The following DAB1 variants were observed in gnomAD, a reference collection of about 807,000 sequenced individuals.
The protein encoded by DAB1 is DAB adaptor protein 1.
DAB1 carries 15 observed loss-of-function variants against 64.6 expected under a neutral mutation model. The ratio of observed to expected loss-of-function variants is 0.23; its 90% confidence interval spans 0.16 to 0.36. The LOEUF (loss-of-function observed/expected upper bound fraction) is 0.36, where lower values mean the gene tolerates loss of function less well. DAB1 is among the 10% of genes least tolerant of loss of function. The pLI is 1.00. For missense variants in DAB1, 596 were observed against 706.7 expected (o/e 0.84, Z 1.78); for synonymous variants, 235 against 251.9 (o/e 0.93, Z 0.64).
At chr1:57,053,656 C>CTATATATA (rs1402881130) in intron 9 of DAB1, among the ~76,000 whole-genome samples, 4 of 125,326 alleles carry the variant, frequency 3.2e-5, no homozygotes, top group Non-Finnish European at 4.8e-5. Flanking sequence ...CTCTCTCTCT[C>CTATATATA]TCTCTATATG....
At chr1:58,113,087 G>A (rs1052987461) in intron 5 of DAB1, among the ~76,000 whole-genome samples, 1 of 152,192 alleles carries the variant, frequency 6.6e-6, no homozygotes, top group Non-Finnish European at 1.5e-5. Context: ...AGACAAACAT[G>A]CAATTATAGA....
intron 2 of DAB1, among the ~76,000 whole-genome samples, chr1:58,509,271 T>G (rs59893840): frequency 0.048 from 7,343 of 151,908 alleles, 224 homozygotes; most frequent in African/African-American, 0.063. Flanking sequence ...ATAACCATCA[T>G]AAAGACACTC....
intron 1 of DAB1, chr1:57,861,157 T>G (rs1654005286): frequency 6.6e-6 from 1 of 152,192 alleles, no homozygotes; most frequent in Admixed American, 6.5e-5. Flanking sequence ...TAGCTATGAG[T>G]AAGCAGGGGC....
chr1:58,338,584 A>C (rs1663176223), intron 4 of DAB1, among the ~76,000 whole-genome samples: 1 of 152,238 alleles, frequency 6.6e-6, no homozygotes, highest in Non-Finnish European at 1.5e-5. Flanking sequence ...GCCACAACTC[A>C]GTCTTCGAAT....
intron 5 of DAB1, among the ~76,000 whole-genome samples, chr1:57,953,901 C>T (rs72666186): frequency 0.031 from 4,678 of 152,242 alleles, 104 homozygotes; most frequent in Middle Eastern, 0.048. Flanking sequence ...CCCTTTCAGG[C>T]CAAGGGACAT....
intron 1 of DAB1, among the ~76,000 whole-genome samples, chr1:57,315,565 C>A (rs748447470): frequency 6.6e-6 from 1 of 152,064 alleles, no homozygotes; most frequent in Non-Finnish European, 1.5e-5. Flanking sequence ...TGCAGTGGTG[C>A]GATCTCGGCT....
intron 3 of DAB1, among the ~76,000 whole-genome samples, chr1:58,441,537 A>G (rs1270713874): frequency 6.6e-6 from 1 of 152,174 alleles, no homozygotes; most frequent in African/African-American, 2.4e-5. Flanking sequence ...GGGGCTCTTT[A>G]GTTCAAGTCC....
At chr1:58,168,588 G>GA (rs1430123462) in intron 4 of DAB1, among the ~76,000 whole-genome samples, 1 of 152,066 alleles carries the variant, frequency 6.6e-6, no homozygotes, top group African/African-American at 2.4e-5. Context: ...TCACCAAGCA[G>GA]AAAGACATAA....
chr1:57,878,771 T>C (rs1361090047), intron 1 of DAB1: 2 of 152,112 alleles, frequency 1.3e-5, no homozygotes, highest in African/African-American at 4.8e-5. Flanking sequence ...ACTAGAACTT[T>C]TTTCTCCTAT....
At chr1:58,534,847 G>A (rs531479774) in intron 1 of DAB1, among the ~76,000 whole-genome samples, 8 of 152,128 alleles carry the variant, frequency 5.3e-5, no homozygotes, top group African/African-American at 1.9e-4. Context: ...GAAGTGGGAG[G>A]ATCGCTTGAG....
chr1:57,153,938 C>G (rs187210606), intron 2 of DAB1, among the ~76,000 whole-genome samples: 7 of 152,212 alleles, frequency 4.6e-5, no homozygotes, highest in African/African-American at 1.4e-4. Flanking sequence ...CACCCCTGGC[C>G]GGTGTATGTA....
Position 58,443,627 on chromosome 1 carries a change from T to A in DAB1, n.257+62433A>T, listed in dbSNP as rs61048764. Among the ~76,000 whole-genome samples the A allele has an allele frequency of 7.9e-3, 1,208 of 152,332 alleles. 13 individuals carry two copies. Among genetic ancestry groups the A allele is most frequent in the African/African-American group, 0.028 (1,162 of 41,572 alleles). ...TGTAAGATATTAACCTTGCGGAAAG[T>A]CAGGCAAAGGGTAGGTGAGAACTCT... is the stretch of plus-strand genomic sequence containing the variant. On this transcript the variant is annotated intron_variant and non_coding_transcript_variant, in intron 3 of 20. Transcript: ENST00000485760.
chr1:57,157,299 A>C (rs1660320187), intron 2 of DAB1, among the ~76,000 whole-genome samples: 1 of 152,162 alleles, frequency 6.6e-6, no homozygotes, highest in African/African-American at 2.4e-5. Context: ...CAACTCCAAC[A>C]TATTTCTTAT....
At chr1:58,129,329 C>G (rs1427315451) in intron 5 of DAB1, among the ~76,000 whole-genome samples, 1 of 149,338 alleles carries the variant, frequency 6.7e-6, no homozygotes, top group African/African-American at 2.5e-5. Context: ...TTTATTGTGT[C>G]TATTTGATTC....
chr1:57,782,176 C>G (rs1323832), intron 6 of DAB1, among the ~76,000 whole-genome samples: 120,336 of 151,730 alleles, frequency 0.79, 47,988 homozygotes, highest in African/African-American at 0.86. Flanking sequence ...TTTCGAGGTA[C>G]GCTCCTTTTC....
At chr1:57,561,379 G>A (rs1645049756) in intron 7 of DAB1, among the ~76,000 whole-genome samples, 1 of 152,194 alleles carries the variant, frequency 6.6e-6, no homozygotes, top group Non-Finnish European at 1.5e-5. Context: ...TGCATGGAAG[G>A]AGAAATGACC....
intron 3 of DAB1, among the ~76,000 whole-genome samples, chr1:58,352,293 T>C (rs1644065936): frequency 6.6e-6 from 1 of 152,164 alleles, no homozygotes; most frequent in Non-Finnish European, 1.5e-5. Flanking sequence ...CCTGTGTATA[T>C]GCCAGAGTCT....
intron 1 of DAB1, among the ~76,000 whole-genome samples, chr1:57,371,180 G>A (rs141256614): frequency 6.6e-6 from 1 of 152,184 alleles, no homozygotes; most frequent in Non-Finnish European, 1.5e-5. Flanking sequence ...AGACCAGACG[G>A]GGGACCTGGA....
intron 1 of DAB1, among the ~76,000 whole-genome samples, chr1:57,849,552 G>A (rs192840461): frequency 2.4e-4 from 37 of 152,298 alleles, no homozygotes; most frequent in African/African-American, 8.4e-4. Context: ...GATGCAGGAG[G>A]CAAGGAGAAC....
Sources: allele counts gnomAD v4.1 joint callset (sites outside exome capture counted in the v4.1 genomes callset), GRCh38; gene constraint gnomAD v4.1.1; transcripts MANE v1.5; gene names NCBI Gene and HGNC (gene_info 2026-07-23, HGNC 2026-07-21).